The following ABTB3 variants were observed in gnomAD, a reference collection of about 807,000 sequenced individuals.
ABTB3 encodes ankyrin repeat and BTB domain containing 3, also known as ankyrin repeat- and BTB/POZ domain-containing protein 3.
chr12:107,420,642 T>A, the ABTB3 span, among the ~76,000 whole-genome samples: 3 of 152,144 alleles, frequency 2.0e-5, no homozygotes, highest in African/African-American at 7.2e-5. Flanking sequence ...TCATTTGGCT[T>A]CTTTGATATG....
the ABTB3 span, among the ~76,000 whole-genome samples, chr12:107,496,201 C>T: frequency 2.7e-4 from 41 of 152,300 alleles, no homozygotes; most frequent in African/African-American, 8.7e-4. Flanking sequence ...CCTATTCTAG[C>T]GCTGCCTGCA....
chr12:107,394,233 GA>G, the ABTB3 span, among the ~76,000 whole-genome samples: 42,461 of 151,998 alleles, frequency 0.28, 6,144 homozygotes, highest in Admixed American at 0.35. Context: ...TGACAGAGGG[GA>G]AAAAAAGCCT....
the ABTB3 span, among the ~76,000 whole-genome samples, chr12:107,469,924 C>CTTTCTT: frequency 2.1e-3 from 87 of 41,154 alleles, 1 homozygote; most frequent in East Asian, 8.9e-3. Context: ...CTTTCTTTCT[C>CTTTCTT]TCTCTCTCTC....
At chr12:107,610,227 G>T in the ABTB3 span, 1 of 1,614,206 alleles carries the variant, frequency 6.2e-7, no homozygotes, top group South Asian at 1.1e-5. Flanking sequence ...AAAGCTGGAT[G>T]CGGTGGCCAT....
At chr12:107,320,575 G>A in the ABTB3 span, 3 of 456,118 alleles carry the variant, frequency 6.6e-6, no homozygotes, top group Non-Finnish European at 1.3e-5. Flanking sequence ...GGGGAAGGAG[G>A]GGCCTGGCGG....
the ABTB3 span, among the ~76,000 whole-genome samples, chr12:107,514,986 A>G: frequency 3.3e-5 from 5 of 152,210 alleles, no homozygotes; most frequent in Non-Finnish European, 7.3e-5. Flanking sequence ...TAGCACATGC[A>G]AAATACTTTG....
At chr12:107,360,124 C>T in the ABTB3 span, among the ~76,000 whole-genome samples, 3 of 152,140 alleles carry the variant, frequency 2.0e-5, no homozygotes, top group Non-Finnish European at 4.4e-5. Context: ...AGTCACATAA[C>T]TAAATAGTTG....
At chr12:107,604,734 T>A in the ABTB3 span, among the ~76,000 whole-genome samples, 1 of 152,154 alleles carries the variant, frequency 6.6e-6, no homozygotes, top group Non-Finnish European at 1.5e-5. Flanking sequence ...AAAATAGAAT[T>A]ACTATAAGAT....
At chr12:107,451,846 A>C in the ABTB3 span, among the ~76,000 whole-genome samples, 1 of 152,228 alleles carries the variant, frequency 6.6e-6, no homozygotes, top group Non-Finnish European at 1.5e-5. Flanking sequence ...AATCGCTAAC[A>C]GGTGTTGAGT....
At chr12:107,596,083 A>G in the ABTB3 span, among the ~76,000 whole-genome samples, 1 of 152,236 alleles carries the variant, frequency 6.6e-6, no homozygotes, top group African/African-American at 2.4e-5. Flanking sequence ...GAAGCACTCA[A>G]GAATTTCTAG....
the ABTB3 span, among the ~76,000 whole-genome samples, chr12:107,522,663 A>G: frequency 6.6e-6 from 1 of 151,820 alleles, no homozygotes; most frequent in African/African-American, 2.4e-5. Flanking sequence ...ACTGCTTGGC[A>G]TATAGTAGGC....
the ABTB3 span, among the ~76,000 whole-genome samples, chr12:107,598,729 G>A: frequency 1.3e-5 from 2 of 152,226 alleles, no homozygotes; most frequent in Non-Finnish European, 2.9e-5. Context: ...CTCAGGGAAT[G>A]TCCATGCTGG....
the ABTB3 span, among the ~76,000 whole-genome samples, chr12:107,344,165 G>T: frequency 6.6e-6 from 1 of 152,026 alleles, no homozygotes; most frequent in Non-Finnish European, 1.5e-5. Flanking sequence ...AGTGACAAAG[G>T]GTAGGAAAAA....
At chr12:107,383,496 A>G in the ABTB3 span, among the ~76,000 whole-genome samples, 9 of 152,238 alleles carry the variant, frequency 5.9e-5, no homozygotes, top group South Asian at 2.1e-4. Context: ...AAATGAGGAT[A>G]ACCATAGCAA....
At chr12:107,468,469 G>A in the ABTB3 span, among the ~76,000 whole-genome samples, 1 of 152,194 alleles carries the variant, frequency 6.6e-6, no homozygotes. Flanking sequence ...GTAGCTTGCT[G>A]CTGGGAGCTG....
chr12:107,320,984 C>T, the ABTB3 span, among the ~76,000 whole-genome samples: 1 of 152,138 alleles, frequency 6.6e-6, no homozygotes, highest in Non-Finnish European at 1.5e-5. Context: ...GCAGTTCTGT[C>T]CTTGAAGGGG....
the ABTB3 span, among the ~76,000 whole-genome samples, chr12:107,425,346 G>A: frequency 3.2e-4 from 49 of 152,286 alleles, no homozygotes; most frequent in African/African-American, 1.2e-3. Flanking sequence ...CCTACCATAT[G>A]GATGAATTAA....
At chr12:107,587,599 G>A in the ABTB3 span, among the ~76,000 whole-genome samples, 3 of 152,164 alleles carry the variant, frequency 2.0e-5, no homozygotes, top group Non-Finnish European at 2.9e-5. Flanking sequence ...TATACTTAAT[G>A]CACAGATCTG....
the ABTB3 span, among the ~76,000 whole-genome samples, chr12:107,452,780 G>A: frequency 1.3e-5 from 2 of 152,196 alleles, no homozygotes; most frequent in Non-Finnish European, 2.9e-5. Context: ...GGTGGAGGTT[G>A]CAGTGAGCCA....
Sources: gnomAD v4.1 joint callset for allele counts (sites outside exome capture counted in the v4.1 genomes callset) on GRCh38, gnomAD v4.1.1 for gene constraint, MANE v1.5 for transcripts, NCBI Gene and HGNC (gene_info 2026-07-23, HGNC 2026-07-21) for gene names.